RAVER2: variants seen among roughly 807,000 people sequenced by gnomAD.
RAVER2 encodes the protein ribonucleoprotein, PTB binding 2.
RAVER2 carries 46 observed loss-of-function variants against 78.1 expected under a neutral mutation model. The ratio of observed to expected loss-of-function variants is 0.59; its 90% CI spans 0.46 to 0.75. RAVER2 has a LOEUF of 0.75. Among genes scored for constraint, RAVER2 ranks in the 30% least tolerant of loss-of-function variants. The pLI, the probability that RAVER2 is intolerant of heterozygous loss-of-function variation, is 0.00. For synonymous variants in RAVER2, 311 were observed against 313.3 expected (o/e 0.99, Z 0.08); for missense variants, 793 against 837.5 (o/e 0.95, Z 0.66).
At chr1:64,763,376 C>T (rs1295670692) in intron 1 of RAVER2, among the ~76,000 whole-genome samples, 2 of 151,880 alleles carry the variant, frequency 1.3e-5, no homozygotes, top group Non-Finnish European at 2.9e-5. Context: ...AGGCATTTCA[C>T]AAAAAAGGAA....
At chr1:64,763,257 A>G (rs1272378564) in intron 1 of RAVER2, among the ~76,000 whole-genome samples, 1 of 152,190 alleles carries the variant, frequency 6.6e-6, no homozygotes, top group Non-Finnish European at 1.5e-5. Context: ...AGATCATGCC[A>G]CTGCACTCCA....
intron 2 of RAVER2, among the ~76,000 whole-genome samples, chr1:64,774,178 T>A (rs1025310135): frequency 1.3e-5 from 2 of 152,252 alleles, no homozygotes; most frequent in African/African-American, 4.8e-5. Context: ...GCTCTTTAGT[T>A]TAATTAGACC....
At chr1:64,809,518 A>AAATAAAT (rs1391430767) in intron 9 of RAVER2, among the ~76,000 whole-genome samples, 3 of 151,526 alleles carry the variant, frequency 2.0e-5, no homozygotes, top group African/African-American at 7.3e-5. Flanking sequence ...ATAAATAAAT[A>AAATAAAT]AATAAAAGAG....
intron 4 of RAVER2, 39 bp downstream of exon 4, chr1:64,781,610 A>G (rs1249406364): frequency 1.3e-6 from 2 of 1,566,442 alleles, no homozygotes; most frequent in African/African-American, 1.4e-5. Context: ...TTTAGAGTAT[A>G]GAAAATTCTA....
chr1:64,808,456 CTTTT>C (rs71584460), intron 9 of RAVER2, among the ~76,000 whole-genome samples: 1 of 103,158 alleles, frequency 9.7e-6, no homozygotes, highest in Non-Finnish European at 1.9e-5. Context: ...TAATGCAGTC[CTTTT>C]TTTTTTTTTT....
At chr1:64,818,229 A>C (rs377687566) in intron 11 of RAVER2, among the ~76,000 whole-genome samples, 31 of 152,296 alleles carry the variant, frequency 2.0e-4, no homozygotes, top group African/African-American at 7.5e-4. Context: ...ATCTCCCTAC[A>C]GATAACCATT....
exon 12 of RAVER2, chr1:64,831,684 C>T (rs1281568633): frequency 6.6e-6 from 1 of 152,056 alleles, no homozygotes; most frequent in East Asian, 1.9e-4. Flanking sequence ...CAAACTACAC[C>T]CTGGGTCCAC....
At chr1:64,827,407 C>T (rs1654028603) in intron 11 of RAVER2, among the ~76,000 whole-genome samples, 1 of 152,080 alleles carries the variant, frequency 6.6e-6, no homozygotes, top group Non-Finnish European at 1.5e-5. Context: ...AAGTTATGCC[C>T]ATTCTGATAA....
chr1:64,779,231 A>G (rs1019585833), intron 3 of RAVER2, among the ~76,000 whole-genome samples: 1 of 151,830 alleles, frequency 6.6e-6, no homozygotes, highest in African/African-American at 2.4e-5. Context: ...TTTTGAACCT[A>G]TTTCTCTTAT....
chr1:64,789,557 C>A, intron 5 of RAVER2, 43 bp downstream of exon 5: 1 of 1,358,356 alleles, frequency 7.4e-7, no homozygotes, highest in South Asian at 2.2e-5. Flanking sequence ...AGAATGCTAG[C>A]ATGAAGTTAA....
chr1:64,829,239 G>A (rs547873766), intron 11 of RAVER2, among the ~76,000 whole-genome samples: 1 of 152,300 alleles, frequency 6.6e-6, no homozygotes, highest in East Asian at 1.9e-4. Context: ...ATAACTACAT[G>A]GCAAGAAGAA....
intron 1 of RAVER2, among the ~76,000 whole-genome samples, chr1:64,750,321 T>A (rs1651664811): frequency 6.6e-6 from 1 of 150,866 alleles, no homozygotes. Context: ...TTTTTTTTTT[T>A]AAAGAGACAG....
chr1:64,804,097 C>CTCCTGCTGGTCCTTCT (rs1553155147), intron 6 of RAVER2, among the ~76,000 whole-genome samples: 1 of 152,144 alleles, frequency 6.6e-6, no homozygotes, highest in Non-Finnish European at 1.5e-5. Flanking sequence ...TTGGTCTTTT[C>CTCCTGCTGGTCCTTCT]TCCTGCTGGT....
chr1:64,781,541 A>G (rs762987362), exon 4 of RAVER2: 1 of 1,613,830 alleles, frequency 6.2e-7, no homozygotes, highest in South Asian at 1.1e-5. Flanking sequence ...GGCGAAGTAC[A>G]TTAGCAGCAT....
intron 1 of RAVER2, among the ~76,000 whole-genome samples, chr1:64,755,345 G>T (rs1651822269): frequency 6.6e-6 from 1 of 151,902 alleles, no homozygotes; most frequent in African/African-American, 2.4e-5. Flanking sequence ...TTATCTTTAG[G>T]TTTGTAAACT....
chr1:64,794,680 G>C (rs187447478), intron 5 of RAVER2, among the ~76,000 whole-genome samples: 1 of 151,902 alleles, frequency 6.6e-6, no homozygotes. Flanking sequence ...TATTTTGCAC[G>C]TGTTAAAAAC....
chr1:64,778,252 A>T (rs1035610485), intron 3 of RAVER2, among the ~76,000 whole-genome samples, 160 bp downstream of exon 3: 1 of 152,152 alleles, frequency 6.6e-6, no homozygotes, highest in African/African-American at 2.4e-5. Context: ...GGAAATTTTA[A>T]ATCAGTTCCT....
intron 11 of RAVER2, among the ~76,000 whole-genome samples, chr1:64,821,782 G>T (rs1043676240): frequency 2.6e-5 from 4 of 152,170 alleles, no homozygotes; most frequent in African/African-American, 4.8e-5. Context: ...ATGGATTAAA[G>T]ACTTAAATGT....
At chr1:64,817,602 AG>A (rs1190872497) in intron 11 of RAVER2, among the ~76,000 whole-genome samples, 3 of 152,136 alleles carry the variant, frequency 2.0e-5, no homozygotes, top group African/African-American at 7.2e-5. Context: ...TGTCCTTTAT[AG>A]GGACATGGAC....
Sources: gnomAD v4.1 joint callset for allele counts (sites outside exome capture counted in the v4.1 genomes callset) on GRCh38, gnomAD v4.1.1 for gene constraint, MANE v1.5 for transcripts, NCBI Gene and HGNC (gene_info 2026-07-23, HGNC 2026-07-21) for gene names.